CSMD2: variants seen among roughly 807,000 people sequenced by gnomAD.
CSMD2 encodes CUB and sushi domain-containing protein 2.
In CSMD2, 130 loss-of-function variants were observed where a neutral mutation model predicts 398.5. The ratio of observed to expected loss-of-function variants is 0.33; its 90% CI spans 0.28 to 0.38. CSMD2 has a LOEUF of 0.38. CSMD2 is among the 10% of genes least tolerant of loss of function. The pLI, the probability that CSMD2 is intolerant of heterozygous loss-of-function variation, is 1.00. For synonymous variants in CSMD2, 1,828 were observed against 1,908.5 expected, an observed-to-expected ratio of 0.96 and a Z score of 1.10; for missense variants, 3,829 against 4,764.9, an observed-to-expected ratio of 0.80 and a Z score of 5.78.
chr1:33,641,219 G>A (rs1033128300), intron 29 of CSMD2, among the ~76,000 whole-genome samples: 1 of 152,108 alleles, frequency 6.6e-6, no homozygotes, highest in Admixed American at 6.6e-5. Context: ...TCACTCACCT[G>A]TAAGTTACAT....
chr1:33,632,584 G>A (rs1381487832), intron 32 of CSMD2, among the ~76,000 whole-genome samples: 2 of 151,948 alleles, frequency 1.3e-5, no homozygotes, highest in South Asian at 2.1e-4. Flanking sequence ...AACTGATGAC[G>A]CTTTTGTTTT....
At chr1:33,782,711 A>G (rs1652942337) in intron 12 of CSMD2, among the ~76,000 whole-genome samples, 2 of 152,190 alleles carry the variant, frequency 1.3e-5, no homozygotes, top group Non-Finnish European at 2.9e-5. Context: ...TGCTTTTCTG[A>G]GCATGTGTCC....
rs767234588 is a variant in CSMD2, at chr1:33,692,945, G to A, written c.4037C>T (p.Ala1346Val). The change falls in exon 25 of 71, where the codon GCC becomes GTC. Residue 1346 changes from alanine (A) to valine (V), a missense_variant. Transcript: ENST00000373381. ...LNCIWTIEAE[A>V]GCTIGLHFLV... ...TGACACTTACCCAATGGTGCAGCCG[G>A]CCTCTGCTTCGATGGTCCAGATGCA... 1.2e-6 allele frequency: 2 copies of A among 1,607,926 alleles called. No homozygotes were observed. The highest frequency in any genetic ancestry group is 2.2e-5 in the South Asian group (2 of 89,898).
intron 48 of CSMD2, among the ~76,000 whole-genome samples, 174 bp downstream of exon 48, chr1:33,580,579 G>A (rs183837732): frequency 1.3e-5 from 2 of 152,326 alleles, no homozygotes; most frequent in East Asian, 1.9e-4. Context: ...AGAAAAGAGG[G>A]AAGAGGTTCA....
At chr1:33,592,531 C>T (rs1453698127) in intron 44 of CSMD2, 3 of 717,000 alleles carry the variant, frequency 4.2e-6, no homozygotes, top group Non-Finnish European at 7.8e-6. Context: ...GGCACAGGCA[C>T]CACAAAGTGA....
intron 15 of CSMD2, among the ~76,000 whole-genome samples, chr1:33,738,314 T>A (rs953511580): frequency 6.6e-6 from 1 of 152,168 alleles, no homozygotes; most frequent in Non-Finnish European, 1.5e-5. Context: ...GCCCTTGGGA[T>A]ACTCACTATT....
Position 33,918,150 on chromosome 1 carries a change from C to T in CSMD2, c.864G>A (p.Gln288=), listed in dbSNP as rs1325615914. The part of the protein sequence containing the change: ...DTIALVFIDF[Q]LEDGYDFLEV... Reference sequence around the variant, plus strand: ...CCAGAAAGTCGTAACCATCCTCCAGCTGGAAGTCAATAAACACCAGGGCGA... The same window carrying T: ...CCAGAAAGTCGTAACCATCCTCCAGTTGGAAGTCAATAAACACCAGGGCGA... The change falls in exon 5 of 71, where the codon CAG becomes CAA. Residue 288 remains glutamine, a synonymous_variant. Coordinates refer to ENST00000373381, the MANE Select transcript of CSMD2 (RefSeq NM_001281956.2). 1 of 1,614,034 alleles carries T rather than the reference C, an allele frequency of 6.2e-7. No homozygotes were observed. The highest frequency in any genetic ancestry group is 8.5e-7 in the Non-Finnish European group (1 of 1,180,040).
At chr1:34,156,918 G>A (rs548180282) in intron 1 of CSMD2, among the ~76,000 whole-genome samples, 1 of 152,138 alleles carries the variant, frequency 6.6e-6, no homozygotes, top group African/African-American at 2.4e-5. Flanking sequence ...AGAGAGACTC[G>A]CCCAGCAGAG....
intron 21 of CSMD2, among the ~76,000 whole-genome samples, chr1:33,713,774 T>A (rs1040993090): frequency 1.4e-4 from 21 of 152,098 alleles, no homozygotes; most frequent in African/African-American, 4.8e-4. Context: ...GGTCCTCTGT[T>A]CCCTCTTCTC....
At chr1:33,651,690 G>A (rs1643762464) in intron 28 of CSMD2, among the ~76,000 whole-genome samples, 1 of 152,328 alleles carries the variant, frequency 6.6e-6, no homozygotes, top group Admixed American at 6.5e-5. Context: ...TCTAAGGATG[G>A]AAAGGGTGAT....
intron 3 of CSMD2, among the ~76,000 whole-genome samples, chr1:34,002,938 G>A (rs1334398980): frequency 2.0e-5 from 3 of 152,226 alleles, no homozygotes; most frequent in Admixed American, 1.3e-4. Context: ...GATCTGCAGT[G>A]GGCCAGGAGA....
At chr1:33,694,818 C>T (rs1254479200) in intron 24 of CSMD2, among the ~76,000 whole-genome samples, 1 of 152,032 alleles carries the variant, frequency 6.6e-6, no homozygotes, top group East Asian at 1.9e-4. Flanking sequence ...TGTGACCAAC[C>T]TCCTCAAAGC....
chr1:33,725,082 C>T (rs1054352979), intron 17 of CSMD2, among the ~76,000 whole-genome samples: 1 of 152,158 alleles, frequency 6.6e-6, no homozygotes, highest in South Asian at 2.1e-4. Flanking sequence ...TCCCAGAGTG[C>T]CCAGCGTGGC....
intron 14 of CSMD2, among the ~76,000 whole-genome samples, chr1:33,742,023 G>A (rs1031581782): frequency 2.6e-5 from 4 of 152,204 alleles, no homozygotes; most frequent in African/African-American, 9.7e-5. Flanking sequence ...ATAAAGATAA[G>A]GAAAGCATAC....
At position 33,714,501 on chromosome 1, in the gene CSMD2, T is replaced by C. The variant is rs1646096771; in HGVS notation, c.3406+86A>G. 1.6e-5 allele frequency: 23 copies of C among 1,475,382 alleles called. 1 individual carries two copies. The South Asian group carries it at 2.6e-4, about 17-fold the overall frequency. 91.4% of individuals were successfully genotyped at this position (1,475,382 alleles called of 1,614,324 possible). A position where few individuals can be genotyped will look rare whatever the true frequency, so the allele number is the denominator to read the frequency against. On this transcript the variant is annotated intron_variant, in intron 21 of 70. Transcript: ENST00000373381. The stretch of plus-strand genomic sequence containing the variant: ...TGTGGGCTAAGTCAGCCTCTTGGCC[T>C]GTGTGCCGTCCACCACCTCACATCA...
At chr1:33,571,470 A>T in intron 51 of CSMD2, 62 bp downstream of exon 51, 1 of 1,300,536 alleles carries the variant, frequency 7.7e-7, no homozygotes, top group Non-Finnish European at 1.0e-6. Flanking sequence ...CACTCCATGC[A>T]TGAGACAGCT....
At chr1:33,691,624 A>G (rs1645243686) in intron 25 of CSMD2, among the ~76,000 whole-genome samples, 1 of 152,086 alleles carries the variant, frequency 6.6e-6, no homozygotes, top group Non-Finnish European at 1.5e-5. Context: ...TTGGCTCCTC[A>G]CTATTCCAAA....
chr1:34,094,582 A>G (rs1327870907), intron 1 of CSMD2, among the ~76,000 whole-genome samples: 1 of 152,196 alleles, frequency 6.6e-6, no homozygotes, highest in Non-Finnish European at 1.5e-5. Context: ...AGAAAATGGA[A>G]AACAAAAAAA....
chr1:33,876,380 A>T (rs1037296319), intron 5 of CSMD2, among the ~76,000 whole-genome samples: 4 of 152,220 alleles, frequency 2.6e-5, no homozygotes, highest in Admixed American at 2.0e-4. Flanking sequence ...TTTGTCGAAC[A>T]TGAGAAATTC....
Sources: allele counts gnomAD v4.1 joint callset (sites outside exome capture counted in the v4.1 genomes callset), GRCh38; gene constraint gnomAD v4.1.1; transcripts MANE v1.5; gene names NCBI Gene and HGNC (gene_info 2026-07-23, HGNC 2026-07-21).